Variants in HIC1 observed in about 807,000 individuals in gnomAD.
HIC1 encodes hypermethylated in cancer 1 protein.
A neutral mutation model predicts 26.4 loss-of-function variants in HIC1; 9 were observed. The ratio of observed to expected loss-of-function variants is 0.34; its 90% CI spans 0.21 to 0.59. The LOEUF is 0.59. Ranked by LOEUF, HIC1 falls within the 20% of genes least tolerant of loss-of-function variation. HIC1 has a pLI of 0.82. For synonymous variants in HIC1, 631 were observed against 523.1 expected, an observed-to-expected ratio of 1.21 and a Z score of -2.81; for missense variants, 965 against 1,075.7, an observed-to-expected ratio of 0.90 and a Z score of 1.44.
chr17:2,056,718 C>T lies in HIC1; in HGVS notation c.28C>T (p.His10Tyr), dbSNP rs1286416765. The T allele has an allele frequency of 6.2e-7, 1 of 1,607,500 alleles. No individual in the cohort carries two copies. Among genetic ancestry groups the T allele is most frequent in the Non-Finnish European group, 8.5e-7 (1 of 1,176,726 alleles). Residue 10 changes from histidine to tyrosine, a missense_variant, in exon 2 of 2, where the codon CAC becomes TAC. By Grantham distance (83) the His-to-Tyr change is moderately conservative. Transcript: ENST00000619757. ...GCTGGACACGATGGAGGCGCCCGGC[C>T]ACTCCAGGCAGCTGCTGCTGCAGCT... MLDTMEAPG[H>Y]SRQLLLQLNN...
chr17:2,056,257 C>T, intron 1 of HIC1: 1 of 1,503,094 alleles, frequency 6.7e-7, no homozygotes, highest in Non-Finnish European at 9.3e-7. Context: ...AGGCGGGAGG[C>T]GCTGGTTCCT....
rs1244748297 is a variant in HIC1 at position 2,058,981 on chromosome 17, C to T, written c.*146C>T. ...CGGCTCCACCTCTCGGCGGCCTCACCTGGCCTCACTGCTTCGTGCCTTAGC... is the reference window on the plus strand; with the variant it reads ...CGGCTCCACCTCTCGGCGGCCTCACTTGGCCTCACTGCTTCGTGCCTTAGC... On this transcript the variant is annotated 3_prime_UTR_variant, in exon 2 of 2. Coordinates refer to ENST00000619757, the MANE Select transcript of HIC1 (RefSeq NM_006497.4). The T allele has an allele frequency of 8.9e-6, 6 of 677,650 alleles. No homozygotes were observed. In the Admixed American group the frequency reaches 1.7e-4, roughly 19 times the overall value. 42.0% of individuals were successfully genotyped at this position (677,650 alleles called of 1,614,324 possible).
rs1280234354 is a variant in HIC1 at position 2,059,932 on chromosome 17, C to G, written c.*1097C>G. On this transcript the variant is annotated 3_prime_UTR_variant, in exon 2 of 2. Coordinates refer to ENST00000619757, the MANE Select transcript of HIC1 (RefSeq NM_006497.4). ...GAGCTGGGTCTCCCTCCCGACCACC[C>G]AGTCATCGGCCTTCCAGCTGGGGAG... 6.5e-6 allele frequency: 1 copy of G among 153,300 alleles called. No individual in the cohort carries two copies. The highest frequency in any genetic ancestry group is 1.9e-4 in the East Asian group (1 of 5,204). 9.5% of individuals were successfully genotyped at this position (153,300 alleles called of 1,614,324 possible). A position where few individuals can be genotyped will look rare whatever the true frequency, so the allele number is the denominator to read the frequency against.
chr17:2,057,766 C>T lies in HIC1; in HGVS notation c.1076C>T (p.Pro359Leu), dbSNP rs1449649413. 4 of 1,424,074 alleles carry T rather than the reference C, an allele frequency of 2.8e-6. No homozygotes were observed. The highest frequency in any genetic ancestry group is 2.7e-6 in the Non-Finnish European group (3 of 1,099,070). The allele number at this position is 1,424,074 out of a possible 1,614,324, so 88.2% of individuals were successfully genotyped here. Residue 359 changes from proline to leucine, a missense_variant, in exon 2 of 2, where the codon CCG becomes CTG. Physicochemically the swap from Pro to Leu is moderately conservative, Grantham distance 98 (BLOSUM62 -3). Coordinates refer to ENST00000619757, the MANE Select transcript of HIC1 (RefSeq NM_006497.4). ...GGPPLGLAPP[P>L]RYPGSLDGPG... ...CCCCCGCTCGGCCTGGCGCCGCCGC[C>T]GCGCTACCCTGGCAGCCTGGACGGG...
Position 2,060,315 on chromosome 17 carries a change from G to C in HIC1, c.*1480G>C, listed in dbSNP as rs1597306996. The C allele has an allele frequency of 6.6e-6, 1 of 152,416 alleles. No homozygotes were observed. Among genetic ancestry groups the C allele is most frequent in the African/African-American group, 2.4e-5 (1 of 41,586 alleles). The allele number at this position is 152,416 out of a possible 1,614,324, so 9.4% of individuals were successfully genotyped here. ...GGTACCAGCTAAAGGGGCAAGGAAA[G>C]GGCCCCTGTGTCAGTGTCAGTTTTT... is the stretch of plus-strand genomic sequence containing the variant. On this transcript the variant is annotated 3_prime_UTR_variant, in exon 2 of 2. Transcript: ENST00000619757.
Position 2,058,640 on chromosome 17 carries a change from C to T in HIC1, c.1950C>T (p.Ala650=). 1 of 1,563,752 alleles carries T rather than the reference C, an allele frequency of 6.4e-7. No individual in the cohort carries two copies. The highest frequency in any genetic ancestry group is 8.6e-7 in the Non-Finnish European group (1 of 1,161,454). ...GCCTGAAGCAGCAGGACAAGGCGGC[C>T]GCGGCCGAGCTGCTGGCGCAGACCA... ...QLSLKQQDKA[A]AAELLAQTTH... Residue 650 remains alanine (A), a synonymous_variant, in exon 2 of 2, where the codon GCC becomes GCT. Transcript: ENST00000619757.
rs1191813357 is a variant in HIC1, at chr17:2,060,018, T to A, written c.*1183T>A. On this transcript the variant is annotated 3_prime_UTR_variant, in exon 2 of 2. Coordinates refer to ENST00000619757, the MANE Select transcript of HIC1 (RefSeq NM_006497.4). ...CAAAGAGCCCAGTCTTCTGAGACTC[T>A]AGGGGACTCCTACCCCCAAACTACT... 1 of 152,462 alleles carries A rather than the reference T, an allele frequency of 6.6e-6. No individual in the cohort carries two copies. 9.4% of individuals were successfully genotyped at this position (152,462 alleles called of 1,614,324 possible). A position where few individuals can be genotyped will look rare whatever the true frequency, so the allele number is the denominator to read the frequency against.
rs2067682878 is a variant in HIC1, at chr17:2,057,462, G to A, written c.772G>A (p.Ala258Thr). Reference sequence around the variant, plus strand: ...GGACAGCCCTCCCAGCGCCGGCCCCGCCGCCTACAAGGAGCCGCCTCTCGC... The same window carrying A: ...GGACAGCCCTCCCAGCGCCGGCCCCACCGCCTACAAGGAGCCGCCTCTCGC... ...RPDSPPSAGP[A>T]AYKEPPLALP... Residue 258 changes from alanine to threonine, a missense_variant, in exon 2 of 2, where the codon GCC (alanine) becomes ACC (threonine). Ala to Thr is a moderately conservative substitution (Grantham distance 58). This residue lies in a region of HIC1 where 526 missense variants were observed against 525.0 expected (regional missense o/e 1.00). Transcript: ENST00000619757. 2.7e-6 allele frequency: 4 copies of A among 1,469,014 alleles called. No individual in the cohort carries two copies. The highest frequency in any genetic ancestry group is 3.6e-6 in the Non-Finnish European group (4 of 1,117,658). The allele number at this position is 1,469,014 out of a possible 1,614,324, so 91.0% of individuals were successfully genotyped here.
In HIC1 at chr17:2,055,645, C is replaced by T. The variant is rs903860039; in HGVS notation, c.-21+407C>T. Among the ~76,000 whole-genome samples, 1 of 150,104 alleles carries T rather than the reference C, an allele frequency of 6.7e-6. No individual in the cohort carries two copies. The highest frequency in any genetic ancestry group is 6.6e-5 in the Admixed American group (1 of 15,176). On this transcript the variant is annotated intron_variant, in intron 1 of 1. Coordinates refer to ENST00000619757, the MANE Select transcript of HIC1 (RefSeq NM_006497.4). The surrounding 1 kb of genome is among the most constrained non-coding windows in gnomAD (Gnocchi z 6.4). ...ACCGCAGGTAACGGGCCGCGGGGCC[C>T]CGCGGGCCAGGAGGGGAACGGGGTC...
chr17:2,058,827 C>A lies in HIC1; in HGVS notation c.2137C>A (p.Pro713Thr). 1 of 1,479,062 alleles carries A rather than the reference C, an allele frequency of 6.8e-7. No individual in the cohort carries two copies. The allele number at this position is 1,479,062 out of a possible 1,614,324, so 91.6% of individuals were successfully genotyped here. A position where few individuals can be genotyped will look rare whatever the true frequency, so the allele number is the denominator to read the frequency against. Residue 713 changes from proline (P) to threonine (T), a missense_variant, in exon 2 of 2, where the codon CCC becomes ACC. By Grantham distance (38) the Pro-to-Thr change is conservative. Around this residue, in one of 6 missense-constraint regions of HIC1, gnomAD observed 210 missense variants for 179.2 expected, o/e 1.17. Transcript: ENST00000619757. ...CGGCCGGACCATCGACCGTTTCTCT[C>A]CCACCTAGAGCGCCCCTCGCCAGCC... ...PDGRTIDRFS[P>T]T is the part of the protein sequence containing the mutation.
Position 2,058,743 on chromosome 17 carries a change from A to G in HIC1, c.2053A>G (p.Ser685Gly), listed in dbSNP as rs1320719666. Residue 685 changes from serine (S) to glycine (G), a missense_variant, in exon 2 of 2, where the codon AGC becomes GGC. By Grantham distance (56) the Ser-to-Gly change is moderately conservative (BLOSUM62 0). Coordinates refer to ENST00000619757, the MANE Select transcript of HIC1 (RefSeq NM_006497.4). ...CAAGTTCACGGCCGAGCTGGGCCTC[A>G]GCCCCGACAAGGCGGCCGAGGTGCT... ...LAKFTAELGLSPDKAAEVLSQ... is the reference protein window; with the variant it reads ...LAKFTAELGLGPDKAAEVLSQ... 1 of 1,527,986 alleles carries G rather than the reference A, an allele frequency of 6.5e-7. No homozygotes were observed. The highest frequency in any genetic ancestry group is 2.0e-5 in the Admixed American group (1 of 49,734). The allele number at this position is 1,527,986 out of a possible 1,614,324, so 94.7% of individuals were successfully genotyped here. A position where few individuals can be genotyped will look rare whatever the true frequency, so the allele number is the denominator to read the frequency against.
At chr17:2,056,088 C>T (rs574657917) in intron 1 of HIC1, 1 of 217,794 alleles carries the variant, frequency 4.6e-6, no homozygotes, top group African/African-American at 2.4e-5. Flanking sequence ...GCCCGGCCTT[C>T]GCGCTCTGCC....
In HIC1 at chr17:2,058,193, C is replaced by G; in HGVS notation, c.1503C>G (p.Ala501=). ...GCGACAAGAGCTACAAGGACCCGGC[C>G]ACGCTGCGGCAGCACGAGAAGACGC... The part of the protein sequence containing the change: ...ASCDKSYKDP[A]TLRQHEKTHW... The change falls in exon 2 of 2, where the codon GCC becomes GCG. Residue 501 remains alanine (A), a synonymous_variant. Transcript: ENST00000619757. The G allele has an allele frequency of 1.9e-6, 3 of 1,611,292 alleles. No homozygotes were observed. The highest frequency in any genetic ancestry group is 2.5e-6 in the Non-Finnish European group (3 of 1,179,790).
In HIC1 at chr17:2,059,909, G is replaced by A. The variant is rs1467407006; in HGVS notation, c.*1074G>A. ...TGCTGCAAACGGGACAGAAAGGAGA[G>A]CTGGGTCTCCCTCCCGACCACCCAG... On this transcript the variant is annotated 3_prime_UTR_variant, in exon 2 of 2. Coordinates refer to ENST00000619757, the MANE Select transcript of HIC1 (RefSeq NM_006497.4). 3 of 155,860 alleles carry A rather than the reference G, an allele frequency of 1.9e-5. No individual in the cohort carries two copies. Among genetic ancestry groups the A allele is most frequent in the African/African-American group, 7.2e-5 (3 of 41,464 alleles). The allele number at this position is 155,860 out of a possible 1,614,324, so 9.7% of individuals were successfully genotyped here.
Position 2,056,849 on chromosome 17 carries a change from C to T in HIC1, c.159C>T (p.Leu53=). ...KNVLAASSAY[L]KSLVVHDNLL... ...TGCTGGCGGCCAGCAGCGCCTACCT[C>T]AAGTCCCTGGTGGTGCATGACAACC... The change falls in exon 2 of 2, where the codon CTC becomes CTT. Residue 53 remains leucine, a synonymous_variant. Transcript: ENST00000619757. The T allele has an allele frequency of 6.2e-7, 1 of 1,612,970 alleles. No individual in the cohort carries two copies.
rs2067662953 is a variant in HIC1, at chr17:2,055,452, C to G, written c.-21+214C>G. Among the ~76,000 whole-genome samples, 1 of 151,996 alleles carries G rather than the reference C, an allele frequency of 6.6e-6. No homozygotes were observed. The highest frequency in any genetic ancestry group is 2.1e-4 in the South Asian group (1 of 4,830). ...GGCGGGGTCAGCGGCCCGGGGCCGG[C>G]TCTGCCCGCACATGGGCTGGAGAGG... On this transcript the variant is annotated intron_variant, in intron 1 of 1. Coordinates refer to ENST00000619757, the MANE Select transcript of HIC1 (RefSeq NM_006497.4). The surrounding 1 kb of genome is among the most constrained non-coding windows in gnomAD (Gnocchi z 6.4).
In HIC1 at chr17:2,059,724, G is replaced by A. The variant is rs543623306; in HGVS notation, c.*889G>A. On this transcript the variant is annotated 3_prime_UTR_variant, in exon 2 of 2. Transcript: ENST00000619757. ...CTGCTCTCTTCTGCCCCTGCACAAG[G>A]ACCTGGATGGGCTGCGCCCGCTGGG... 1.2e-5 allele frequency: 2 copies of A among 167,226 alleles called. No homozygotes were observed. The highest frequency in any genetic ancestry group is 3.9e-4 in the East Asian group (2 of 5,176). The allele number at this position is 167,226 out of a possible 1,614,324, so 10.4% of individuals were successfully genotyped here.
chr17:2,061,441 G>A lies in HIC1; in HGVS notation c.*2606G>A. 6.5e-7 allele frequency: 1 copy of A among 1,529,808 alleles called. No individual in the cohort carries two copies. The highest frequency in any genetic ancestry group is 8.8e-7 in the Non-Finnish European group (1 of 1,139,584). 94.8% of individuals were successfully genotyped at this position (1,529,808 alleles called of 1,614,324 possible). A position where few individuals can be genotyped will look rare whatever the true frequency, so the allele number is the denominator to read the frequency against. ...ATCTTCCGTGCTACACTGGGCGCCT[G>A]GTGGCCTTTCAGGAACGGTTCCACG... On this transcript the variant is annotated 3_prime_UTR_variant, in exon 2 of 2. Coordinates refer to ENST00000619757, the MANE Select transcript of HIC1 (RefSeq NM_006497.4).
chr17:2,060,535 T>G lies in HIC1; in HGVS notation c.*1700T>G, dbSNP rs1478415363. 3 of 151,970 alleles carry G rather than the reference T, an allele frequency of 2.0e-5. No homozygotes were observed. The highest frequency in any genetic ancestry group is 7.3e-5 in the African/African-American group (3 of 41,294). The allele number at this position is 151,970 out of a possible 1,614,324, so 9.4% of individuals were successfully genotyped here. ...GGAAAGTTCAGAGTGAGAACCCCTATGACGAGGAACCGCGGTGAAGAAATG... is the reference window on the plus strand; with the variant it reads ...GGAAAGTTCAGAGTGAGAACCCCTAGGACGAGGAACCGCGGTGAAGAAATG... On this transcript the variant is annotated 3_prime_UTR_variant, in exon 2 of 2. Transcript: ENST00000619757.
Sources: gnomAD v4.1 joint callset for allele counts (sites outside exome capture counted in the v4.1 genomes callset) on GRCh38, gnomAD v4.1.1 for gene constraint, gnomAD v4.1.1 regional missense constraint, Gnocchi (gnomAD v3.1) non-coding constraint, MANE v1.5 for transcripts, NCBI Gene and HGNC (gene_info 2026-07-23, HGNC 2026-07-21) for gene names.